NFAT5: variants seen among roughly 807,000 people sequenced by gnomAD.
NFAT5 encodes nuclear factor of activated T cells 5, also known as nuclear factor of activated T-cells 5.
Under a neutral mutation model 166.5 loss-of-function variants are expected in NFAT5, and 31 were observed. The ratio of observed to expected loss-of-function variants is 0.19; its 90% CI spans 0.14 to 0.25. The LOEUF (loss-of-function observed/expected upper bound fraction) is 0.25. NFAT5 is among the 10% of genes least tolerant of loss of function. The pLI is 1.00. For synonymous variants in NFAT5, 612 were observed against 639.7 expected (o/e 0.96, Z 0.65); for missense variants, 1,449 against 1,821.8 (o/e 0.80, Z 3.72).
chr16:69,652,453 G>GAAAAAAAAAAAAAAAA (rs74216983), intron 4 of NFAT5, among the ~76,000 whole-genome samples: 2 of 60,638 alleles, frequency 3.3e-5, no homozygotes, highest in Non-Finnish European at 6.8e-5. Context: ...CTCCATCTCA[G>GAAAAAAAAAAAAAAAA]AAAAAAAAAA....
At chr16:69,642,196 T>C (rs531161388) in intron 3 of NFAT5, among the ~76,000 whole-genome samples, 1 of 152,342 alleles carries the variant, frequency 6.6e-6, no homozygotes, top group South Asian at 2.1e-4. Context: ...CATGTAGACA[T>C]TATTTAATAT....
intron 2 of NFAT5, among the ~76,000 whole-genome samples, chr16:69,620,645 C>A (rs146271300): frequency 1.3e-5 from 2 of 151,926 alleles, no homozygotes; most frequent in African/African-American, 4.8e-5. Context: ...TAGTCTTGGC[C>A]GACTGAAGAA....
At chr16:69,635,285 A>G (rs1211604969) in intron 3 of NFAT5, among the ~76,000 whole-genome samples, 1 of 152,192 alleles carries the variant, frequency 6.6e-6, no homozygotes, top group Non-Finnish European at 1.5e-5. Flanking sequence ...TGCTGGTATT[A>G]CAGGCGTGAG....
At chr16:69,630,224 T>C (rs556916677) in intron 3 of NFAT5, among the ~76,000 whole-genome samples, 68 of 152,260 alleles carry the variant, frequency 4.5e-4, no homozygotes, top group African/African-American at 1.5e-3. Context: ...GGTCTTACTA[T>C]GCTGCTTCTC....
intron 3 of NFAT5, among the ~76,000 whole-genome samples, chr16:69,629,456 T>G (rs982665066): frequency 1.3e-5 from 2 of 152,232 alleles, no homozygotes; most frequent in African/African-American, 4.8e-5. Context: ...TTCTACACAA[T>G]TCATACTTTT....
intron 11 of NFAT5, chr16:69,686,184 A>C (rs144276143): frequency 0.044 from 6,682 of 151,420 alleles, 501 homozygotes; most frequent in African/African-American, 0.15. Flanking sequence ...CCCCATCTCT[A>C]CTAAAAATAC....
At position 69,647,161 on chromosome 16, in the gene NFAT5, C is replaced by T. The variant is rs138585527; in HGVS notation, c.387C>T (p.Ala129=). The T allele has an allele frequency of 1.9e-5, 30 of 1,614,000 alleles. No homozygotes were observed. The African/African-American group carries it at 2.7e-4, about 14-fold the overall frequency. The change falls in exon 4 of 15, where the codon GCC becomes GCT. Residue 129 remains alanine (A), a synonymous_variant. Transcript: ENST00000349945. This position sits in a 1 kb window ranked among gnomAD's most constrained non-coding sequence, Gnocchi z 4.8. ...KAMQVESCSS[A]VGVSNRGVSE... ...TGCAAGTGGAGAGCTGCTCCTCAGC[C>T]GTGGGGGTAAGTAACAGAGGGGTAA...
Position 69,693,993 on chromosome 16 carries a change from G to A in NFAT5, c.4168G>A (p.Val1390Ile). 1 of 1,614,200 alleles carries A rather than the reference G, an allele frequency of 6.2e-7. No individual in the cohort carries two copies. The change falls in exon 13 of 15, where the codon GTA becomes ATA. Residue 1390 changes from valine (V) to isoleucine (I), a missense_variant. Val to Ile is a conservative substitution (Grantham distance 29). Around this residue, in one of 7 missense-constraint regions of NFAT5, gnomAD observed 891 missense variants for 993.0 expected, o/e 0.90. Coordinates refer to ENST00000349945, the MANE Select transcript of NFAT5 (RefSeq NM_138713.4). ...GTCACCTAGTTCTCAAGAGCAGCAA[G>A]TAACTCTCTTCTTATCTCCAGCATC... ...QGSPSSQEQQVTLFLSPASMS... is the reference protein window; with the variant it reads ...QGSPSSQEQQITLFLSPASMS...
chr16:69,662,365 A>C (rs1205308497), intron 7 of NFAT5, among the ~76,000 whole-genome samples: 1 of 152,196 alleles, frequency 6.6e-6, no homozygotes, highest in African/African-American at 2.4e-5. Flanking sequence ...GGGGGAAATA[A>C]AAAGAGTTTT....
intron 4 of NFAT5, among the ~76,000 whole-genome samples, chr16:69,650,054 G>A (rs930915487): frequency 5.3e-5 from 8 of 151,810 alleles, no homozygotes; most frequent in African/African-American, 1.9e-4. Flanking sequence ...GTTGCCCCAT[G>A]TCTCTTCTAG....
chr16:69,670,076 A>C lies in NFAT5; in HGVS notation c.1469A>C (p.Lys490Thr). Residue 490 changes from lysine to threonine, a missense_variant, in exon 8 of 15, where the codon AAA becomes ACA. Transcript: ENST00000349945. The stretch of plus-strand genomic sequence containing the variant: ...TTTTTAATCGGCAAGAACTTTCTGA[A>C]AGGAACTAAAGTTATTTTCCAAGAA... ...EVFLIGKNFLKGTKVIFQENV... is the reference protein window; with the variant it reads ...EVFLIGKNFLTGTKVIFQENV... 6.2e-7 allele frequency: 1 copy of C among 1,612,994 alleles called. No individual in the cohort carries two copies. The highest frequency in any genetic ancestry group is 1.3e-5 in the African/African-American group (1 of 74,986).
intron 2 of NFAT5, among the ~76,000 whole-genome samples, chr16:69,576,642 G>A (rs1374498750): frequency 1.3e-5 from 2 of 152,202 alleles, no homozygotes; most frequent in East Asian, 3.9e-4. Context: ...GGCTGAGGTG[G>A]GCGGATCGCT....
At chr16:69,679,390 C>T (rs567008633) in intron 10 of NFAT5, among the ~76,000 whole-genome samples, 3 of 151,882 alleles carry the variant, frequency 2.0e-5, no homozygotes, top group Admixed American at 6.6e-5. Context: ...CCGAGGTGGG[C>T]GAATCACTTA....
At chr16:69,661,766 G>A (rs2036155951) in intron 7 of NFAT5, among the ~76,000 whole-genome samples, 1 of 151,986 alleles carries the variant, frequency 6.6e-6, no homozygotes, top group South Asian at 2.1e-4. Flanking sequence ...TTTGTTTTTG[G>A]AAAACTTCAT....
chr16:69,630,060 C>T (rs1434337016), intron 3 of NFAT5, among the ~76,000 whole-genome samples: 1 of 152,138 alleles, frequency 6.6e-6, no homozygotes, highest in Admixed American at 6.5e-5. Context: ...CCTCAGCCTC[C>T]CGAGTAGCTG....
chr16:69,568,541 A>T lies in NFAT5; in HGVS notation c.120A>T (p.Leu40=). The T allele has an allele frequency of 1.2e-6, 2 of 1,612,238 alleles. No individual in the cohort carries two copies. Among genetic ancestry groups the T allele is most frequent in the Non-Finnish European group, 1.7e-6 (2 of 1,178,968 alleles). Residue 40 remains leucine, a synonymous_variant, in exon 2 of 15, where the codon CTA becomes CTT. Transcript: ENST00000349945. ...CACAGAATTTTCATAGAGCTGGACTATTGGAAGGTCAGCAAAGTACCATTT... is the reference window on the plus strand; with the variant it reads ...CACAGAATTTTCATAGAGCTGGACTTTTGGAAGGTCAGCAAAGTACCATTT... ...HPSQNFHRAG[L]LEESVYDLLP...
At chr16:69,641,177 C>T (rs1464453163) in intron 3 of NFAT5, among the ~76,000 whole-genome samples, 1 of 147,584 alleles carries the variant, frequency 6.8e-6, no homozygotes, top group East Asian at 2.0e-4. Context: ...ACTCGGGAGG[C>T]TGAGGCAGGA....
chr16:69,584,949 A>G (rs1205045597), intron 2 of NFAT5, among the ~76,000 whole-genome samples: 2 of 152,062 alleles, frequency 1.3e-5, no homozygotes, highest in Non-Finnish European at 2.9e-5. Flanking sequence ...AATGTATTGG[A>G]AGGGTTTAAA....
intron 2 of NFAT5, among the ~76,000 whole-genome samples, chr16:69,608,552 C>A (rs967712730): frequency 1.3e-5 from 2 of 151,468 alleles, no homozygotes; most frequent in African/African-American, 4.8e-5. Context: ...GTCAGGAGAT[C>A]GAGTCCATCC....
Sources: gnomAD v4.1 joint callset for allele counts (sites outside exome capture counted in the v4.1 genomes callset) on GRCh38, gnomAD v4.1.1 for gene constraint, gnomAD v4.1.1 regional missense constraint, Gnocchi (gnomAD v3.1) non-coding constraint, MANE v1.5 for transcripts, NCBI Gene and HGNC (gene_info 2026-07-23, HGNC 2026-07-21) for gene names.